Variants in PRORP observed in about 807,000 individuals in gnomAD.
PRORP encodes the protein mitochondrial ribonuclease P catalytic subunit.
In PRORP, 51 loss-of-function variants were observed where a neutral mutation model predicts 59.4. The ratio of observed to expected loss-of-function variants is 0.86; its 90% CI spans 0.69 to 1.08. The LOEUF (loss-of-function observed/expected upper bound fraction) is 1.08. Among genes scored for constraint, PRORP ranks in the 50% least tolerant of loss-of-function variants. The pLI is 0.00. For missense variants in PRORP, 646 were observed against 690.3 expected (o/e 0.94, Z 0.72); for synonymous variants, 231 against 245.6 (o/e 0.94, Z 0.55).
chr14:35,264,220 C>T (rs972657828), intron 5 of PRORP, among the ~76,000 whole-genome samples: 20 of 151,956 alleles, frequency 1.3e-4, no homozygotes, highest in African/African-American at 7.3e-5. Flanking sequence ...CTCCACCCCA[C>T]GGATTCAAGC....
intron 5 of PRORP, among the ~76,000 whole-genome samples, chr14:35,251,191 C>G (rs1010578282): frequency 1.3e-5 from 2 of 152,158 alleles, no homozygotes; most frequent in Admixed American, 6.5e-5. Context: ...GCTGCAAATG[C>G]CATTAATTCG....
At position 35,239,863 on chromosome 14, in the gene PRORP, T is replaced by C. The variant is rs185056280; in HGVS notation, c.1276-26864T>C. Among the ~76,000 whole-genome samples the C allele has an allele frequency of 2.8e-3, 422 of 152,180 alleles. 3 individuals are homozygous for C. The highest frequency in any genetic ancestry group is 9.9e-3 in the African/African-American group (410 of 41,514). ...GCAGAGGCGGGCAGATCACCTGCGG[T>C]CAAGAGTTTGAGACCAGCCTGGCCA... On this transcript the variant is annotated intron_variant, in intron 5 of 7. Transcript: ENST00000534898.
intron 4 of PRORP, among the ~76,000 whole-genome samples, chr14:35,155,094 A>G (rs2047879873): frequency 6.6e-6 from 1 of 152,048 alleles, no homozygotes; most frequent in Non-Finnish European, 1.5e-5. Flanking sequence ...GGGTTTCACC[A>G]TGTTGCCCAG....
chr14:35,145,835 T>TTTATTTATTTATTTA (rs1161295034), intron 4 of PRORP, among the ~76,000 whole-genome samples: 5,070 of 133,180 alleles, frequency 0.038, 509 homozygotes, highest in African/African-American at 0.084. Flanking sequence ...TTATTTATTT[T>TTTATTTATTTATTTA]TTTATTTTTT....
chr14:35,158,646 A>T, intron 4 of PRORP: 1 of 376,966 alleles, frequency 2.7e-6, no homozygotes, highest in Non-Finnish European at 5.3e-6. Flanking sequence ...TTCACTTGTG[A>T]TTCTGCATTT....
At chr14:35,260,225 C>G (rs1178103360) in intron 5 of PRORP, among the ~76,000 whole-genome samples, 1 of 151,434 alleles carries the variant, frequency 6.6e-6, no homozygotes, top group East Asian at 1.9e-4. Context: ...GTTTCCCAGG[C>G]TGGTCTCAAA....
chr14:35,210,112 C>T (rs1286713180), intron 5 of PRORP, among the ~76,000 whole-genome samples: 2 of 152,032 alleles, frequency 1.3e-5, no homozygotes, highest in African/African-American at 4.8e-5. Flanking sequence ...TTGTGGTTGT[C>T]ATTAAAATCC....
At chr14:35,176,589 T>G (rs553174258) in intron 4 of PRORP, among the ~76,000 whole-genome samples, 3 of 152,320 alleles carry the variant, frequency 2.0e-5, no homozygotes, top group Admixed American at 6.5e-5. Context: ...GTACATTGAT[T>G]TTGTATCCTG....
intron 6 of PRORP, 40 bp from the exon 7 acceptor site, chr14:35,270,361 C>G: frequency 2.5e-6 from 4 of 1,584,970 alleles, no homozygotes; most frequent in South Asian, 1.1e-5. Flanking sequence ...TCTGCCTCTT[C>G]AGCTGTGCTT....
intron 5 of PRORP, among the ~76,000 whole-genome samples, chr14:35,187,954 G>A (rs1456363237): frequency 2.0e-5 from 3 of 149,854 alleles, no homozygotes; most frequent in South Asian, 2.1e-4. Context: ...GGGTGCAAGC[G>A]ATTTTCCTGC....
chr14:35,174,863 C>T (rs118080409), intron 4 of PRORP, among the ~76,000 whole-genome samples: 6,174 of 149,818 alleles, frequency 0.041, 187 homozygotes, highest in Non-Finnish European at 0.063. Flanking sequence ...ATTTACGTTA[C>T]GTATATCTCC....
Position 35,202,126 on chromosome 14 carries a change from C to T in PRORP, c.1275+21349C>T, listed in dbSNP as rs950461296. 7.9e-5 allele frequency among the ~76,000 whole-genome samples: 12 copies of T among 151,840 alleles called. No homozygotes were observed. In the South Asian group the frequency reaches 1.3e-3, roughly 16 times the overall value. ...CTGGGACTACAGGCGCCCGCCACCA[C>T]GCCCGGCTAACTTTTTGTATTTTTA... is the stretch of plus-strand genomic sequence containing the variant. On this transcript the variant is annotated intron_variant, in intron 5 of 7. Coordinates refer to ENST00000534898, the MANE Select transcript of PRORP (RefSeq NM_014672.4).
intron 5 of PRORP, among the ~76,000 whole-genome samples, chr14:35,206,823 C>A (rs531812244): frequency 6.6e-6 from 1 of 152,256 alleles, no homozygotes; most frequent in Admixed American, 6.5e-5. Context: ...TTGTCAAGGT[C>A]CATTCCATTT....
At chr14:35,216,058 C>T (rs1411858714) in intron 5 of PRORP, among the ~76,000 whole-genome samples, 3 of 107,908 alleles carry the variant, frequency 2.8e-5, no homozygotes, top group African/African-American at 9.4e-5. Flanking sequence ...TGAGCCACCG[C>T]ACCCAACCGT....
chr14:35,258,842 G>C (rs934258427), intron 5 of PRORP, among the ~76,000 whole-genome samples: 1 of 152,170 alleles, frequency 6.6e-6, no homozygotes, highest in African/African-American at 2.4e-5. Flanking sequence ...ACACAGTTTT[G>C]ATTACCATAG....
chr14:35,217,900 TC>T (rs1407803431), intron 5 of PRORP, among the ~76,000 whole-genome samples: 1 of 152,200 alleles, frequency 6.6e-6, no homozygotes, highest in Non-Finnish European at 1.5e-5. Context: ...TTGTTCCTTT[TC>T]TAAGTTGTTT....
At chr14:35,230,252 A>G (rs1020003149) in intron 5 of PRORP, among the ~76,000 whole-genome samples, 2 of 151,964 alleles carry the variant, frequency 1.3e-5, no homozygotes, top group Non-Finnish European at 2.9e-5. Context: ...GGGTTTCGCC[A>G]TGTTGCCCAG....
intron 5 of PRORP, among the ~76,000 whole-genome samples, chr14:35,242,646 A>G (rs1321313182): frequency 6.6e-6 from 1 of 152,212 alleles, no homozygotes; most frequent in Non-Finnish European, 1.5e-5. Context: ...TCTAAAATTT[A>G]CATTTTCATC....
rs775824127 is a variant in PRORP, at chr14:35,124,099, T to C, written c.854T>C (p.Phe285Ser). The change falls in exon 2 of 8, where the codon TTC (phenylalanine) becomes TCC (serine). Residue 285 changes from phenylalanine (F) to serine (S), a missense_variant. By Grantham distance (155) the Phe-to-Ser change is radical. Transcript: ENST00000534898. ...IVPMLETLKA[F>S]FDFGKDIKDD... Reference sequence around the variant, plus strand: ...CCTATGTTGGAAACTTTAAAAGCTTTCTTTGATTTTGGAAAAGACATAAAG... The same window carrying C: ...CCTATGTTGGAAACTTTAAAAGCTTCCTTTGATTTTGGAAAAGACATAAAG... 1 of 1,613,736 alleles carries C rather than the reference T, an allele frequency of 6.2e-7. No homozygotes were observed. Among genetic ancestry groups the C allele is most frequent in the South Asian group, 1.1e-5 (1 of 91,032 alleles).
Sources: gnomAD v4.1 joint callset for allele counts (sites outside exome capture counted in the v4.1 genomes callset) on GRCh38, gnomAD v4.1.1 for gene constraint, MANE v1.5 for transcripts, NCBI Gene and HGNC (gene_info 2026-07-23, HGNC 2026-07-21) for gene names.